FNBP1L: variants seen among roughly 807,000 people sequenced by gnomAD.
FNBP1L encodes formin-binding protein 1-like.
A neutral mutation model predicts 91.2 loss-of-function variants in FNBP1L; 36 were observed. The ratio of observed to expected loss-of-function variants is 0.39; its 90% CI spans 0.30 to 0.52. The LOEUF is 0.52. FNBP1L is among the 20% of genes least tolerant of loss of function. FNBP1L has a pLI of 0.66. For missense variants in FNBP1L, 571 were observed against 732.1 expected (o/e 0.78, Z 2.54); for synonymous variants, 242 against 237.0 (o/e 1.02, Z -0.19).
At chr1:93,527,701 A>C (rs141103411) in intron 5 of FNBP1L, among the ~76,000 whole-genome samples, 58 of 152,224 alleles carry the variant, frequency 3.8e-4, no homozygotes, top group African/African-American at 1.3e-3. Context: ...CGATCGGTGG[A>C]GCTTTCAATG....
chr1:93,454,618 G>T (rs1019453782), intron 1 of FNBP1L, among the ~76,000 whole-genome samples: 2 of 151,968 alleles, frequency 1.3e-5, no homozygotes, highest in Admixed American at 6.6e-5. Context: ...TATTACTACA[G>T]CTCGTTTATA....
intron 7 of FNBP1L, 122 bp downstream of exon 7, chr1:93,531,005 T>G (rs1438662149): frequency 9.2e-6 from 7 of 756,798 alleles, no homozygotes; most frequent in Non-Finnish European, 1.4e-5. Flanking sequence ...GGGTGAGAGA[T>G]TCCTTTATGA....
At chr1:93,497,065 A>C (rs1670287368) in intron 1 of FNBP1L, among the ~76,000 whole-genome samples, 1 of 151,956 alleles carries the variant, frequency 6.6e-6, no homozygotes, top group Non-Finnish European at 1.5e-5. Context: ...GGTTCATGCC[A>C]TTCCCTGCCT....
chr1:93,468,004 C>T (rs920362198), intron 1 of FNBP1L, among the ~76,000 whole-genome samples: 1 of 152,138 alleles, frequency 6.6e-6, no homozygotes, highest in East Asian at 1.9e-4. Context: ...TTTGTGCTTG[C>T]CCTAGTCATC....
chr1:93,550,856 T>A lies in FNBP1L; in HGVS notation c.1652-91T>A. The A allele has an allele frequency of 3.3e-6, 4 of 1,215,702 alleles. No homozygotes were observed. In the East Asian group the frequency reaches 1.0e-4, roughly 32 times the overall value. The allele number at this position is 1,215,702 out of a possible 1,614,324, so 75.3% of individuals were successfully genotyped here. ...TAGTTCCAGGTACATTGAAATCTAGTAGGGTTTCATTGTATTTTGTGCATT... is the reference window on the plus strand; with the variant it reads ...TAGTTCCAGGTACATTGAAATCTAGAAGGGTTTCATTGTATTTTGTGCATT... On this transcript the variant is annotated intron_variant, in intron 15 of 16. Coordinates refer to ENST00000271234, the MANE Select transcript of FNBP1L (RefSeq NM_001164473.3).
chr1:93,475,537 T>TA (rs1669463185), intron 1 of FNBP1L, among the ~76,000 whole-genome samples: 3 of 151,962 alleles, frequency 2.0e-5, no homozygotes, highest in Non-Finnish European at 4.4e-5. Flanking sequence ...AGACCCTGTC[T>TA]CAAAAAAACT....
At chr1:93,541,100 A>G in intron 11 of FNBP1L, 44 bp downstream of exon 11, 3 of 1,517,688 alleles carry the variant, frequency 2.0e-6, no homozygotes, top group Non-Finnish European at 2.7e-6. Flanking sequence ...AACATTAAGT[A>G]ATCTCAAAAC....
At chr1:93,462,679 G>C (rs1668913647) in intron 1 of FNBP1L, among the ~76,000 whole-genome samples, 1 of 152,090 alleles carries the variant, frequency 6.6e-6, no homozygotes, top group African/African-American at 2.4e-5. Context: ...TGGAGTTAAT[G>C]GGTTTTGGGG....
intron 2 of FNBP1L, among the ~76,000 whole-genome samples, chr1:93,515,936 T>G (rs1258813631): frequency 1.3e-5 from 2 of 152,042 alleles, no homozygotes; most frequent in African/African-American, 2.4e-5. Context: ...AAAGAGATTT[T>G]AAAAATTACC....
At chr1:93,501,555 C>T (rs1027971193) in intron 2 of FNBP1L, among the ~76,000 whole-genome samples, 4 of 152,112 alleles carry the variant, frequency 2.6e-5, no homozygotes, top group African/African-American at 4.8e-5. Context: ...TGACACCAAA[C>T]CACTATCCAT....
chr1:93,545,205 T>C (rs1439884130), intron 12 of FNBP1L, among the ~76,000 whole-genome samples: 1 of 152,148 alleles, frequency 6.6e-6, no homozygotes, highest in Non-Finnish European at 1.5e-5. Flanking sequence ...TTGATTGCCA[T>C]GCTTAGGGGC....
chr1:93,507,103 A>ACGCT (rs1670657210), intron 2 of FNBP1L, among the ~76,000 whole-genome samples: 1 of 52,568 alleles, frequency 1.9e-5, no homozygotes, highest in Non-Finnish European at 3.3e-5. Flanking sequence ...ACACACACAC[A>ACGCT]CACACTCTCT....
At chr1:93,507,130 C>CAA (rs1357808283) in intron 2 of FNBP1L, among the ~76,000 whole-genome samples, 1 of 148,544 alleles carries the variant, frequency 6.7e-6, no homozygotes, top group African/African-American at 2.5e-5. Context: ...CTCTCTCTCT[C>CAA]TCTCTCTCTC....
intron 1 of FNBP1L, among the ~76,000 whole-genome samples, chr1:93,455,130 A>G (rs1054333994): frequency 1.1e-4 from 16 of 152,150 alleles, no homozygotes; most frequent in African/African-American, 3.9e-4. Context: ...GGATTTCCCC[A>G]TGTTATCCAG....
chr1:93,528,864 T>A (rs1671579603), intron 5 of FNBP1L, among the ~76,000 whole-genome samples: 1 of 151,840 alleles, frequency 6.6e-6, no homozygotes, highest in Non-Finnish European at 1.5e-5. Flanking sequence ...CTAAGCAAAT[T>A]GAAAAAATGA....
chr1:93,551,223 C>A (rs1265321420), intron 16 of FNBP1L, 118 bp downstream of exon 16: 5 of 1,390,686 alleles, frequency 3.6e-6, no homozygotes, highest in Non-Finnish European at 4.7e-6. Flanking sequence ...ACTTAAAGGG[C>A]ATCCAAGATT....
chr1:93,547,611 A>C (rs1354805462), intron 14 of FNBP1L, among the ~76,000 whole-genome samples, 170 bp downstream of exon 14: 1 of 152,122 alleles, frequency 6.6e-6, no homozygotes, highest in Admixed American at 6.6e-5. Context: ...CAGGTGAAGT[A>C]GGAAAGTTCA....
At chr1:93,494,269 G>A (rs1288876520) in intron 1 of FNBP1L, among the ~76,000 whole-genome samples, 1 of 152,164 alleles carries the variant, frequency 6.6e-6, no homozygotes, top group Non-Finnish European at 1.5e-5. Context: ...GGTACCTAGG[G>A]TAAGATTTGG....
chr1:93,453,551 T>A (rs72961357), intron 1 of FNBP1L, among the ~76,000 whole-genome samples: 1 of 152,140 alleles, frequency 6.6e-6, no homozygotes, highest in Admixed American at 6.5e-5. Flanking sequence ...GTAAGAGAAA[T>A]AGTAATGGCT....
Sources: gnomAD v4.1 joint callset for allele counts (sites outside exome capture counted in the v4.1 genomes callset) on GRCh38, gnomAD v4.1.1 for gene constraint, MANE v1.5 for transcripts, NCBI Gene and HGNC (gene_info 2026-07-23, HGNC 2026-07-21) for gene names.